The following ZFP62 variants were observed in gnomAD, a reference collection of about 807,000 sequenced individuals.
ZFP62 encodes the protein ZFP62 zinc finger protein.
A neutral mutation model predicts 56.4 loss-of-function variants in ZFP62; 44 were observed. The ratio of observed to expected loss-of-function variants is 0.78; its 90% CI spans 0.61 to 1.00. ZFP62 has a LOEUF of 1.00. Ranked by LOEUF, ZFP62 falls within the 50% of genes least tolerant of loss-of-function variation. The pLI is 0.00. For missense variants in ZFP62, 1,030 were observed against 1,085.7 expected (o/e 0.95, Z 0.72); for synonymous variants, 421 against 388.9 (o/e 1.08, Z -0.97).
At chr5:180,860,717 G>C (rs1319850212) in intron 1 of ZFP62, 1 of 153,140 alleles carries the variant, frequency 6.5e-6, no homozygotes, top group Non-Finnish European at 1.5e-5. Flanking sequence ...AAAGGTGGTG[G>C]GGTGGAGCGG....
In ZFP62 at chr5:180,849,376, C is replaced by A; in HGVS notation, c.2119G>T (p.Gly707Ter). 1.9e-6 allele frequency: 3 copies of A among 1,551,016 alleles called. No individual in the cohort carries two copies. The highest frequency in any genetic ancestry group is 2.6e-6 in the Non-Finnish European group (3 of 1,146,608). Residue 707 changes from glycine (G) to a stop codon, truncating the protein, a stop_gained, in exon 2 of 2, where the codon GGA becomes TGA. Transcript: ENST00000502412. LOFTEE classifies it high-confidence loss of function. ...GTTCTGCTTGAGAAAAAAGCTTTTC[C>A]ACATTCATCACATGTATGGGGTGTC... ...GRTPHTCDEC[G>*]KAFFSSRTLI...
Position 180,848,822 on chromosome 5 carries a change from C to T in ZFP62, c.2673G>A (p.Leu891=), listed in dbSNP as rs1773516585. ...QKRTYEGGNA[L]DGGRMRMPL ...GAGGCATCCTCATCCTGCCCCCATC[C>T]AGGGCATTCCCTCCCTCATAGGTTC... is the stretch of plus-strand genomic sequence containing the variant. Residue 891 remains leucine (L), a synonymous_variant, in exon 2 of 2, where the codon CTG becomes CTA. Coordinates refer to ENST00000502412, the MANE Select transcript of ZFP62 (RefSeq NM_001172638.2). 1 of 1,541,866 alleles carries T rather than the reference C, an allele frequency of 6.5e-7. No individual in the cohort carries two copies. The highest frequency in any genetic ancestry group is 8.8e-7 in the Non-Finnish European group (1 of 1,139,682).
At chr5:180,828,453 C>T in the ZFP62 span, among the ~76,000 whole-genome samples, 11 of 152,212 alleles carry the variant, frequency 7.2e-5, no homozygotes, top group Admixed American at 2.6e-4. Context: ...TCAGGGACCC[C>T]GAATGGAAGG....
the ZFP62 span, among the ~76,000 whole-genome samples, chr5:180,833,086 T>G: frequency 7.9e-5 from 12 of 152,210 alleles, no homozygotes; most frequent in Non-Finnish European, 2.9e-5. Context: ...CCGTTACGAA[T>G]GGACTGTCAC....
the ZFP62 span, among the ~76,000 whole-genome samples, chr5:180,833,949 G>GTGA: frequency 6.6e-6 from 1 of 152,162 alleles, no homozygotes; most frequent in African/African-American, 2.4e-5. Context: ...GATTACAGGC[G>GTGA]TGAGCCACTG....
At chr5:180,843,456 T>C (rs570944119), downstream of ZFP62, among the ~76,000 whole-genome samples, 1 of 152,082 alleles carries the variant, frequency 6.6e-6, no homozygotes, top group East Asian at 1.9e-4. Context: ...AAGAGGTACA[T>C]CTAAAACATA....
At chr5:180,856,163 G>C (rs1660061208) in intron 1 of ZFP62, among the ~76,000 whole-genome samples, 1 of 152,188 alleles carries the variant, frequency 6.6e-6, no homozygotes, top group South Asian at 2.1e-4. Flanking sequence ...GAAGGCCAGG[G>C]GCCTCCCTGT....
rs763037243 is a variant in ZFP62 at position 180,848,148 on chromosome 5, T to C, written c.*644A>G. On this transcript the variant is annotated 3_prime_UTR_variant, in exon 2 of 2. Transcript: ENST00000502412. The stretch of plus-strand genomic sequence containing the variant: ...AGTACGTTCATCAATTTGCATTTTT[T>C]ATGAGTGACTCTCTCCTATCTCCTG... 9.8e-4 allele frequency: 966 copies of C among 985,464 alleles called. 1 individual carries two copies. The highest frequency in any genetic ancestry group is 1.1e-3 in the Non-Finnish European group (936 of 829,940). 61.0% of individuals were successfully genotyped at this position (985,464 alleles called of 1,614,324 possible).
chr5:180,853,372 G>A (rs912468643), intron 1 of ZFP62, among the ~76,000 whole-genome samples: 5 of 152,202 alleles, frequency 3.3e-5, no homozygotes, highest in Non-Finnish European at 7.4e-5. Context: ...GCACGTATGT[G>A]TTTCTCTTTA....
At chr5:180,843,986 A>C (rs947694468), downstream of ZFP62, among the ~76,000 whole-genome samples, 6 of 152,234 alleles carry the variant, frequency 3.9e-5, no homozygotes, top group Non-Finnish European at 8.8e-5. Flanking sequence ...TATACTTCTA[A>C]ATAAGCCATG....
chr5:180,828,112 G>C, the ZFP62 span, among the ~76,000 whole-genome samples: 8 of 151,666 alleles, frequency 5.3e-5, no homozygotes, highest in African/African-American at 1.7e-4. Context: ...CTGAACGCTG[G>C]TTCCCCGGGC....
At position 180,848,413 on chromosome 5, in the gene ZFP62, A is replaced by C. The variant is rs1773496142; in HGVS notation, c.*379T>G. 1 of 1,000,578 alleles carries C rather than the reference A, an allele frequency of 1.0e-6. No homozygotes were observed. Among genetic ancestry groups the C allele is most frequent in the Admixed American group, 5.6e-5 (1 of 17,768 alleles). 62.0% of individuals were successfully genotyped at this position (1,000,578 alleles called of 1,614,324 possible). A position where few individuals can be genotyped will look rare whatever the true frequency, so the allele number is the denominator to read the frequency against. On this transcript the variant is annotated 3_prime_UTR_variant, in exon 2 of 2. Coordinates refer to ENST00000502412, the MANE Select transcript of ZFP62 (RefSeq NM_001172638.2). ...ATTCAAAGCTATACCTGAATTTCCT[A>C]CATTTCTAGTAACAGAATTTACCAA... is the stretch of plus-strand genomic sequence containing the variant.
rs546545965 is a variant in ZFP62 at position 180,849,230 on chromosome 5, T to C, written c.2265A>G (p.Lys755=). 1.9e-6 allele frequency: 3 copies of C among 1,558,708 alleles called. No homozygotes were observed. Among genetic ancestry groups the C allele is most frequent in the East Asian group, 2.4e-5 (1 of 41,398 alleles). ...SQHKRIHTGE[K]PYVCDRCGKA... ...TCCCACACCTATCACACACATAGGG[T>C]TTCTCCCCTGTGTGGATCCTCTTGT... The change falls in exon 2 of 2, where the codon AAA becomes AAG. Residue 755 remains lysine, a synonymous_variant. Transcript: ENST00000502412.
chr5:180,850,652 A>C lies in ZFP62; in HGVS notation c.843T>G (p.Tyr281Ter). ...AGGTTTTCCCACAGATGTCGCATTC[A>C]TAGGGCTTCTCCCCCGTGTGGATCC... ...HKRIHTGEKP[Y>*]ECDICGKTFS... is the part of the protein sequence containing the mutation. Residue 281 changes from tyrosine to a stop codon, truncating the protein, a stop_gained, in exon 2 of 2, where the codon TAT (tyrosine) becomes TAG (stop). Transcript: ENST00000502412. LOFTEE classifies it high-confidence loss of function. 1 of 1,585,230 alleles carries C rather than the reference A, an allele frequency of 6.3e-7. No homozygotes were observed. Among genetic ancestry groups the C allele is most frequent in the Non-Finnish European group, 8.6e-7 (1 of 1,165,508 alleles).
downstream of ZFP62, among the ~76,000 whole-genome samples, chr5:180,843,049 A>AT (rs1773345786): frequency 1.3e-5 from 2 of 149,600 alleles, no homozygotes; most frequent in Non-Finnish European, 3.0e-5. Flanking sequence ...TCCAAAAAAA[A>AT]AAAATAAATA....
the ZFP62 span, among the ~76,000 whole-genome samples, chr5:180,828,985 G>A: frequency 6.6e-6 from 1 of 152,316 alleles, no homozygotes; most frequent in Middle Eastern, 3.4e-3. Flanking sequence ...ATACGTCCTG[G>A]TCTCCTGCAG....
At position 180,848,128 on chromosome 5, in the gene ZFP62, G is replaced by A. The variant is rs959885223; in HGVS notation, c.*664C>T. 20 of 985,162 alleles carry A rather than the reference G, an allele frequency of 2.0e-5. No homozygotes were observed. In the Admixed American group the frequency reaches 4.9e-4, roughly 24 times the overall value. The allele number at this position is 985,162 out of a possible 1,614,324, so 61.0% of individuals were successfully genotyped here. A position where few individuals can be genotyped will look rare whatever the true frequency, so the allele number is the denominator to read the frequency against. Reference sequence around the variant, plus strand: ...TTCAACTAATGTATCACAATAGTACGTTCATCAATTTGCATTTTTTATGAG... The same window carrying A: ...TTCAACTAATGTATCACAATAGTACATTCATCAATTTGCATTTTTTATGAG... On this transcript the variant is annotated 3_prime_UTR_variant, in exon 2 of 2. Transcript: ENST00000502412.
intron 1 of ZFP62, among the ~76,000 whole-genome samples, chr5:180,853,414 C>T (rs1773816405): frequency 6.6e-6 from 1 of 152,204 alleles, no homozygotes; most frequent in South Asian, 2.1e-4. Flanking sequence ...CAATGAGGTT[C>T]ATCACCTACA....
chr5:180,848,453 ATGG>A lies in ZFP62; in HGVS notation c.*336_*338del, dbSNP rs1370082115. ...GAATTTACCAAACATGAACTTTCTGATGGTGATTACGTAACTTCTAATTGAAGC... is the reference window on the plus strand; with the variant it reads ...GAATTTACCAAACATGAACTTTCTGATGATTACGTAACTTCTAATTGAAGC... On this transcript the variant is annotated 3_prime_UTR_variant, in exon 2 of 2. Transcript: ENST00000502412. 1 of 1,031,554 alleles carries A rather than the reference ATGG, an allele frequency of 9.7e-7. No homozygotes were observed. The highest frequency in any genetic ancestry group is 5.2e-5 in the Admixed American group (1 of 19,124). The allele number at this position is 1,031,554 out of a possible 1,614,324, so 63.9% of individuals were successfully genotyped here. A position where few individuals can be genotyped will look rare whatever the true frequency, so the allele number is the denominator to read the frequency against.
Sources: allele counts gnomAD v4.1 joint callset (sites outside exome capture counted in the v4.1 genomes callset), GRCh38; gene constraint gnomAD v4.1.1; transcripts MANE v1.5; gene names NCBI Gene and HGNC (gene_info 2026-07-23, HGNC 2026-07-21).